Variants in DENND6B observed in about 807,000 individuals in gnomAD.
The protein encoded by DENND6B is DENN domain containing 6B, also known as protein DENND6B.
In DENND6B, 73 loss-of-function variants were observed where a neutral mutation model predicts 85.1. The observed-to-expected ratio is 0.86, with a 90% CI of 0.71 to 1.04. The LOEUF (loss-of-function observed/expected upper bound fraction) is 1.04, where lower values mean the gene tolerates loss of function less well. DENND6B is among the 50% of genes least tolerant of loss of function. The pLI, the probability that DENND6B is intolerant of heterozygous loss-of-function variation, is 0.00. For synonymous variants in DENND6B, 357 were observed against 329.3 expected (o/e 1.08, Z -0.91); for missense variants, 715 against 785.8 (o/e 0.91, Z 1.08).
intron 3 of DENND6B, among the ~76,000 whole-genome samples, chr22:50,318,550 TG>T (rs755076890): frequency 7.2e-5 from 11 of 152,160 alleles, no homozygotes; most frequent in Non-Finnish European, 1.3e-4. Flanking sequence ...GTCTATACCC[TG>T]GGGCAGGAGC....
At position 50,316,200 on chromosome 22, in the gene DENND6B, G is replaced by A. The variant is rs1383319456; in HGVS notation, c.613C>T (p.Leu205=). ...TGGACAACAACGCCCATGACAGGTA[G>A]GTTCAGGGTCTGCCCAGGTGCAGGC... ...PAPAPGQTLN[L]PVMGVVVQVR... The change falls in exon 7 of 20, where the codon CTA becomes TTA. Residue 205 remains leucine, a synonymous_variant. Coordinates refer to ENST00000413817, the MANE Select transcript of DENND6B (RefSeq NM_001001794.4). 2 of 1,612,104 alleles carry A rather than the reference G, an allele frequency of 1.2e-6. No individual in the cohort carries two copies. Among genetic ancestry groups the A allele is most frequent in the South Asian group, 1.1e-5 (1 of 91,076 alleles).
At chr22:50,317,242 C>A (rs1473470319) in intron 5 of DENND6B, 51 bp downstream of exon 5, 1 of 1,602,418 alleles carries the variant, frequency 6.2e-7, no homozygotes, top group Non-Finnish European at 8.5e-7. Context: ...CTGCTGCCTG[C>A]CAGCTCCTGC....
chr22:50,324,345 G>C (rs1345768623), intron 1 of DENND6B, among the ~76,000 whole-genome samples: 1 of 152,224 alleles, frequency 6.6e-6, no homozygotes, highest in African/African-American at 2.4e-5. Context: ...AACTCCTAAA[G>C]GGCAAGAGCC....
intron 15 of DENND6B, 53 bp from the exon 16 acceptor site, chr22:50,313,552 A>AG: frequency 5.1e-6 from 2 of 389,616 alleles, no homozygotes; most frequent in Non-Finnish European, 7.2e-6. Flanking sequence ...CCCCAGCCCC[A>AG]TCCCCCGCAG....
At chr22:50,326,396 G>A (rs1294117486) in intron 1 of DENND6B, among the ~76,000 whole-genome samples, 1 of 152,244 alleles carries the variant, frequency 6.6e-6, no homozygotes, top group Admixed American at 6.5e-5. Context: ...GAACGGATCC[G>A]AGACCTTTGT....
Position 50,312,982 on chromosome 22 carries a change from A to G in DENND6B, c.1457+17T>C. ...ACCAAGGAGGGCTCAAGCTGCCTGC[A>G]CCTGCAGTCCACGCACCTGTAGAGA... On this transcript the variant is annotated intron_variant, in intron 17 of 19. Transcript: ENST00000413817. 1 of 1,547,640 alleles carries G rather than the reference A, an allele frequency of 6.5e-7. No individual in the cohort carries two copies. The highest frequency in any genetic ancestry group is 1.2e-5 in the South Asian group (1 of 83,956).
intron 16 of DENND6B, 121 bp from the exon 17 acceptor site, chr22:50,313,229 C>G: frequency 4.2e-6 from 5 of 1,194,798 alleles, no homozygotes; most frequent in Non-Finnish European, 5.9e-6. Context: ...CTGCCTGGCA[C>G]AGATCCCAGG....
At chr22:50,320,607 G>C (rs912401882) in intron 1 of DENND6B, among the ~76,000 whole-genome samples, 1 of 152,200 alleles carries the variant, frequency 6.6e-6, no homozygotes, top group Non-Finnish European at 1.5e-5. Context: ...AGCTAAACAG[G>C]CACCAAGGAG....
chr22:50,316,503 C>T, intron 5 of DENND6B, 28 bp from the exon 6 acceptor site: 2 of 1,554,640 alleles, frequency 1.3e-6, no homozygotes, highest in Non-Finnish European at 1.7e-6. Flanking sequence ...CAGTTAGAGG[C>T]CCAGTGCCAG....
Position 50,326,881 on chromosome 22 carries a change from C to A in DENND6B, c.108G>T (p.Ala36=), listed in dbSNP as rs1406124219. ...RAARTPAAPW[A]RFSAWLECVC... Reference sequence around the variant, plus strand: ...CACACTCCAGCCAGGCGGAGAAGCGCGCCCAGGGCGCCGCCGGGGTCCGCG... The same window carrying A: ...CACACTCCAGCCAGGCGGAGAAGCGAGCCCAGGGCGCCGCCGGGGTCCGCG... Residue 36 remains alanine, a synonymous_variant, in exon 1 of 20, where the codon GCG becomes GCT. Transcript: ENST00000413817. 3 of 1,416,106 alleles carry A rather than the reference C, an allele frequency of 2.1e-6. No homozygotes were observed. The highest frequency in any genetic ancestry group is 3.1e-5 in the East Asian group (1 of 31,950). The allele number at this position is 1,416,106 out of a possible 1,614,324, so 87.7% of individuals were successfully genotyped here. A position where few individuals can be genotyped will look rare whatever the true frequency, so the allele number is the denominator to read the frequency against.
intron 1 of DENND6B, among the ~76,000 whole-genome samples, chr22:50,325,156 C>T (rs1259601677): frequency 7.2e-5 from 11 of 152,154 alleles, no homozygotes; most frequent in African/African-American, 2.7e-4. Context: ...TGGAGGGTTT[C>T]GCTCATGGAC....
Position 50,314,504 on chromosome 22 carries a change from C to CAG in DENND6B, c.978-12_978-11dup, listed in dbSNP as rs750622710. 28 of 1,556,286 alleles carry CAG rather than the reference C, an allele frequency of 1.8e-5. No individual in the cohort carries two copies. Among genetic ancestry groups the CAG allele is most frequent in the Middle Eastern group, 3.3e-4 (2 of 6,030 alleles). On this transcript the variant is annotated splice_polypyrimidine_tract_variant and intron_variant, in intron 11 of 19. Coordinates refer to ENST00000413817, the MANE Select transcript of DENND6B (RefSeq NM_001001794.4). ...CAGGACCACGTTTGGTCTAGACAGA[C>CAG]AGAGAGAGAGAAGAGGCAGAGACAG...
intron 4 of DENND6B, 31 bp downstream of exon 4, chr22:50,317,874 GAGA>G: frequency 6.3e-7 from 1 of 1,582,654 alleles, no homozygotes; most frequent in African/African-American, 1.3e-5. Flanking sequence ...GGGAGCAGGG[GAGA>G]AGCAGGCCAG....
intron 1 of DENND6B, among the ~76,000 whole-genome samples, chr22:50,319,819 G>C (rs892752774): frequency 2.0e-5 from 3 of 152,210 alleles, no homozygotes; most frequent in Non-Finnish European, 4.4e-5. Context: ...GCCAGGGCCT[G>C]TGCCCCACCT....
chr22:50,314,502 G>A lies in DENND6B; in HGVS notation c.978-8C>T, dbSNP rs1419450991. ...CCCAGGACCACGTTTGGTCTAGACA[G>A]ACAGAGAGAGAGAAGAGGCAGAGAC... On this transcript the variant is annotated splice_region_variant and splice_polypyrimidine_tract_variant and intron_variant, in intron 11 of 19. Coordinates refer to ENST00000413817, the MANE Select transcript of DENND6B (RefSeq NM_001001794.4). The A allele has an allele frequency of 3.9e-6, 6 of 1,556,516 alleles. No homozygotes were observed. The highest frequency in any genetic ancestry group is 5.2e-6 in the Non-Finnish European group (6 of 1,149,564).
chr22:50,318,560 G>A (rs1396400800), intron 3 of DENND6B, among the ~76,000 whole-genome samples: 1 of 152,212 alleles, frequency 6.6e-6, no homozygotes, highest in East Asian at 1.9e-4. Context: ...TGGGGCAGGA[G>A]CGGGAGGGAG....
Position 50,316,067 on chromosome 22 carries a change from C to T in DENND6B, c.660G>A (p.Val220=). The T allele has an allele frequency of 6.2e-7, 1 of 1,612,646 alleles. No homozygotes were observed. The highest frequency in any genetic ancestry group is 8.5e-7 in the Non-Finnish European group (1 of 1,179,780). Residue 220 remains valine (V), a synonymous_variant, in exon 8 of 20, where the codon GTG becomes GTA. Coordinates refer to ENST00000413817, the MANE Select transcript of DENND6B (RefSeq NM_001001794.4). ...TCGGAGGACTGGACTCGGACTTGTC[C>T]ACCCTGGATGGGATGCGCACCTGGG... is the stretch of plus-strand genomic sequence containing the variant. ...VVVQVRIPSR[V]DKSESSPPKQ...
intron 1 of DENND6B, 131 bp from the exon 2 acceptor site, chr22:50,319,134 G>A (rs1188679357): frequency 1.3e-6 from 2 of 1,536,576 alleles, no homozygotes; most frequent in East Asian, 4.9e-5. Context: ...CAGTGCCCAA[G>A]GTGCTGGCTC....
chr22:50,313,074 T>A lies in DENND6B; in HGVS notation c.1382A>T (p.Asp461Val), dbSNP rs1175465300. The stretch of plus-strand genomic sequence containing the variant: ...AGCATGCTCCAGGCTACGCAGGAAG[T>A]CATCCTGGCTGAAGGGCTGGATCTG... Reference protein sequence around the residue: ...PPQIQPFSQDDFLRSLEHAGP... With the variant: ...PPQIQPFSQDVFLRSLEHAGP... The change falls in exon 17 of 20, where the codon GAC becomes GTC. Residue 461 changes from aspartate to valine, a missense_variant. Physicochemically the swap from Asp to Val is radical, Grantham distance 152 (BLOSUM62 -3). Transcript: ENST00000413817. 12 of 1,557,906 alleles carry A rather than the reference T, an allele frequency of 7.7e-6. No homozygotes were observed. The highest frequency in any genetic ancestry group is 1.0e-5 in the Non-Finnish European group (12 of 1,151,536).
Sources: gnomAD v4.1 joint callset for allele counts (sites outside exome capture counted in the v4.1 genomes callset) on GRCh38, gnomAD v4.1.1 for gene constraint, MANE v1.5 for transcripts, NCBI Gene and HGNC (gene_info 2026-07-23, HGNC 2026-07-21) for gene names.